Variants in ALPK3 observed in about 807,000 individuals in gnomAD.
The protein encoded by ALPK3 is alpha kinase 3, also known as alpha-protein kinase 3.
A neutral mutation model predicts 140.0 loss-of-function variants in ALPK3; 102 were observed. That is an observed-to-expected ratio of 0.73 (90% CI 0.62 to 0.86). The LOEUF (loss-of-function observed/expected upper bound fraction) is 0.86, where lower values mean the gene tolerates loss of function less well. Ranked by LOEUF, ALPK3 falls within the 40% of genes least tolerant of loss-of-function variation. ALPK3 has a pLI of 0.00. For missense variants in ALPK3, 2,254 were observed against 2,208.2 expected (o/e 1.02, Z -0.42); for synonymous variants, 938 against 898.5 (o/e 1.04, Z -0.79).
chr15:84,857,498 T>A lies in ALPK3; in HGVS notation c.2760T>A (p.Thr920=). ...TGCACCTGGGGCTGGGGACCCCCAC[T>A]CAGAGTCACCCACCAGAAACCATGG... ...PTLHLGLGTP[T]QSHPPETMAT... Residue 920 remains threonine (T), a synonymous_variant, in exon 6 of 14, where the codon ACT becomes ACA. Coordinates refer to ENST00000258888, the MANE Select transcript of ALPK3 (RefSeq NM_020778.5). The A allele has an allele frequency of 1.9e-6, 3 of 1,602,488 alleles. No homozygotes were observed. The highest frequency in any genetic ancestry group is 2.6e-6 in the Non-Finnish European group (3 of 1,173,328).
intron 3 of ALPK3, 110 bp from the exon 4 acceptor site, chr15:84,838,870 C>G (rs1196860634): frequency 3.6e-6 from 3 of 841,338 alleles, no homozygotes; most frequent in African/African-American, 1.7e-5. Flanking sequence ...GATCTGCCTG[C>G]CTCAGCCTCC....
rs774669520 is a variant in ALPK3 at position 84,862,697 on chromosome 15, T to TGGG, written c.4196_4198dup (p.Gly1399dup). 2.5e-6 allele frequency: 4 copies of TGGG among 1,614,116 alleles called. No individual in the cohort carries two copies. Among genetic ancestry groups the TGGG allele is most frequent in the Non-Finnish European group, 3.4e-6 (4 of 1,179,996 alleles). Reference sequence around the variant, plus strand: ...TAAGGGTCTGGCTGACTCTGGCTGCTGGGGGGACAAGCTCTTTGGGCGACT... The same window carrying TGGG: ...TAAGGGTCTGGCTGACTCTGGCTGCTGGGGGGGGGACAAGCTCTTTGGGCGACT... On this transcript the variant is annotated inframe_insertion, in exon 10 of 14. Transcript: ENST00000258888.
At chr15:84,868,042 A>C in intron 13 of ALPK3, 69 bp from the exon 14 acceptor site, 1 of 1,493,090 alleles carries the variant, frequency 6.7e-7, no homozygotes, top group Non-Finnish European at 9.1e-7. Flanking sequence ...TGGCCACCCC[A>C]GAGTCCGCCC....
chr15:84,847,903 A>T (rs1450838408), intron 5 of ALPK3, among the ~76,000 whole-genome samples: 1 of 151,906 alleles, frequency 6.6e-6, no homozygotes, highest in Non-Finnish European at 1.5e-5. Flanking sequence ...TACTAAAAAT[A>T]CAAAAAAAAT....
In ALPK3 at chr15:84,872,354, A is replaced by G. The variant is rs1267396655; in HGVS notation, c.*3898A>G. ...CGCAAGCTATGTATGGCTCCGCGGT[A>G]TGCCACCCATGGAAAGACACCTCAT... is the stretch of plus-strand genomic sequence containing the variant. On this transcript the variant is annotated 3_prime_UTR_variant, in exon 14 of 14. Transcript: ENST00000258888. 1.3e-5 allele frequency: 2 copies of G among 152,212 alleles called. No homozygotes were observed. The highest frequency in any genetic ancestry group is 2.9e-5 in the Non-Finnish European group (2 of 68,040). The allele number at this position is 152,212 out of a possible 1,614,324, so 9.4% of individuals were successfully genotyped here. A position where few individuals can be genotyped will look rare whatever the true frequency, so the allele number is the denominator to read the frequency against.
Position 84,840,013 on chromosome 15 carries a change from G to C in ALPK3, c.734G>C (p.Gly245Ala), listed in dbSNP as rs937868077. Reference sequence around the variant, plus strand: ...GTCCCTACCAGGGAGCCTGAGGGTGGGACCCTGGCGGCTTGGCAGGAGGGA... The same window carrying C: ...GTCCCTACCAGGGAGCCTGAGGGTGCGACCCTGGCGGCTTGGCAGGAGGGA... ...PSVPTREPEG[G>A]TLAAWQEGET... The change falls in exon 5 of 14, where the codon GGG becomes GCG. Residue 245 changes from glycine (G) to alanine (A), a missense_variant. By Grantham distance (60) the Gly-to-Ala change is moderately conservative. This residue lies in a region of ALPK3 where 2,088 missense variants were observed against 2,022.9 expected (regional missense o/e 1.03). Coordinates refer to ENST00000258888, the MANE Select transcript of ALPK3 (RefSeq NM_020778.5). 1 of 1,613,802 alleles carries C rather than the reference G, an allele frequency of 6.2e-7. No individual in the cohort carries two copies. Among genetic ancestry groups the C allele is most frequent in the Admixed American group, 1.7e-5 (1 of 59,952 alleles).
intron 3 of ALPK3, among the ~76,000 whole-genome samples, chr15:84,832,055 T>A (rs563727148): frequency 1.3e-5 from 2 of 152,316 alleles, no homozygotes; most frequent in Non-Finnish European, 2.9e-5. Flanking sequence ...TTCCAAATAA[T>A]AAACTTCATC....
intron 3 of ALPK3, among the ~76,000 whole-genome samples, chr15:84,831,212 GTTCTGGTAT>G (rs1963542407): frequency 6.6e-6 from 1 of 152,130 alleles, no homozygotes; most frequent in African/African-American, 2.4e-5. Flanking sequence ...TTGTAAGAGT[GTTCTGGTAT>G]TTCATAATGA....
chr15:84,824,945 A>G (rs1030756485), intron 2 of ALPK3, among the ~76,000 whole-genome samples: 9 of 152,180 alleles, frequency 5.9e-5, no homozygotes, highest in Non-Finnish European at 1.0e-4. Context: ...GCTGTATGAC[A>G]TTCAGCAGAA....
chr15:84,858,134 C>T lies in ALPK3; in HGVS notation c.3396C>T (p.Ser1132=), dbSNP rs556705540. ...AAPGQGPSAE[S]IAQEPSQEEK... is the part of the protein sequence containing the mutation. ...CTGGACAGGGGCCCTCAGCAGAGAG[C>T]ATAGCCCAGGAGCCCTCCCAAGAGG... is the stretch of plus-strand genomic sequence containing the variant. The change falls in exon 6 of 14, where the codon AGC becomes AGT. Residue 1132 remains serine (S), a synonymous_variant. Coordinates refer to ENST00000258888, the MANE Select transcript of ALPK3 (RefSeq NM_020778.5). 1.3e-6 allele frequency: 2 copies of T among 1,596,206 alleles called. No individual in the cohort carries two copies. Among genetic ancestry groups the T allele is most frequent in the Admixed American group, 1.8e-5 (1 of 56,698 alleles).
intron 3 of ALPK3, among the ~76,000 whole-genome samples, chr15:84,831,780 G>T (rs1021697855): frequency 6.6e-6 from 1 of 152,148 alleles, no homozygotes; most frequent in Non-Finnish European, 1.5e-5. Context: ...AAGGAGGAGG[G>T]GCCTGAAAAC....
At position 84,856,897 on chromosome 15, in the gene ALPK3, T is replaced by C. The variant is rs1194229553; in HGVS notation, c.2159T>C (p.Met720Thr). Residue 720 changes from methionine (M) to threonine (T), a missense_variant, in exon 6 of 14, where the codon ATG (methionine) becomes ACG (threonine). This residue lies in a region of ALPK3 where 2,088 missense variants were observed against 2,022.9 expected (regional missense o/e 1.03). Coordinates refer to ENST00000258888, the MANE Select transcript of ALPK3 (RefSeq NM_020778.5). ...TQSEGSAPTA[M>T]EGQSEQEVAT... ...TCAGAGGGGAGCGCGCCCACAGCCA[T>C]GGAAGGTCAGTCTGAGCAAGAGGTG... 1.2e-6 allele frequency: 2 copies of C among 1,613,780 alleles called. No individual in the cohort carries two copies. The highest frequency in any genetic ancestry group is 1.1e-5 in the South Asian group (1 of 91,056).
chr15:84,839,578 C>A, intron 4 of ALPK3, 124 bp from the exon 5 acceptor site: 2 of 1,068,042 alleles, frequency 1.9e-6, no homozygotes, highest in Non-Finnish European at 2.7e-6. Context: ...TGGGGCGTAG[C>A]ACACGGCAGG....
chr15:84,819,130 C>CATAG (rs1476721215), intron 1 of ALPK3, among the ~76,000 whole-genome samples: 1 of 152,196 alleles, frequency 6.6e-6, no homozygotes, highest in Non-Finnish European at 1.5e-5. Context: ...GGAGAATGGA[C>CATAG]ATAGTGCTGC....
chr15:84,868,261 G>C lies in ALPK3; in HGVS notation c.4923G>C (p.Lys1641Asn). 1.2e-6 allele frequency: 2 copies of C among 1,614,178 alleles called. No individual in the cohort carries two copies. The highest frequency in any genetic ancestry group is 1.7e-6 in the Non-Finnish European group (2 of 1,180,012). ...AHPQAKAKGS[K>N]SPSAGRKGSQ... ...CCCAAGCCAAAGCCAAAGGCTCTAAGAGTCCATCTGCTGGCAGGAAAGGCT... is the reference window on the plus strand; with the variant it reads ...CCCAAGCCAAAGCCAAAGGCTCTAACAGTCCATCTGCTGGCAGGAAAGGCT... Residue 1641 changes from lysine (K) to asparagine (N), a missense_variant, in exon 14 of 14, where the codon AAG becomes AAC. Transcript: ENST00000258888.
intron 5 of ALPK3, among the ~76,000 whole-genome samples, chr15:84,850,798 C>G (rs772860812): frequency 2.6e-5 from 4 of 151,868 alleles, no homozygotes; most frequent in Non-Finnish European, 5.9e-5. Flanking sequence ...ATAGAGCCAA[C>G]TAGGTTCATT....
At chr15:84,821,043 G>C (rs1307800592) in intron 1 of ALPK3, among the ~76,000 whole-genome samples, 1 of 151,902 alleles carries the variant, frequency 6.6e-6, no homozygotes, top group East Asian at 1.9e-4. Context: ...GTGAGATGAA[G>C]GTGGCACGAA....
chr15:84,862,658 C>G lies in ALPK3; in HGVS notation c.4153C>G (p.Pro1385Ala). 1 of 1,613,840 alleles carries G rather than the reference C, an allele frequency of 6.2e-7. No individual in the cohort carries two copies. The highest frequency in any genetic ancestry group is 8.5e-7 in the Non-Finnish European group (1 of 1,179,892). ...GEVGEEIEMTPMVFAKGLADS... is the reference protein window; with the variant it reads ...GEVGEEIEMTAMVFAKGLADS... ...AGTTGGAGAAGAGATTGAGATGACC[C>G]CTATGGTGTTTGCTAAGGGTCTGGC... is the stretch of plus-strand genomic sequence containing the variant. The change falls in exon 10 of 14, where the codon CCT (proline) becomes GCT (alanine). Residue 1385 changes from proline (P) to alanine (A), a missense_variant. Pro to Ala is a conservative substitution (Grantham distance 27). Around this residue, in one of 3 missense-constraint regions of ALPK3, gnomAD observed 2,088 missense variants for 2,022.9 expected, o/e 1.03. Coordinates refer to ENST00000258888, the MANE Select transcript of ALPK3 (RefSeq NM_020778.5).
rs2141573951 is a variant in ALPK3, at chr15:84,864,423, A to G, written c.4500-19A>G. 1.2e-6 allele frequency: 2 copies of G among 1,606,266 alleles called. No individual in the cohort carries two copies. Among genetic ancestry groups the G allele is most frequent in the Non-Finnish European group, 1.7e-6 (2 of 1,173,182 alleles). On this transcript the variant is annotated intron_variant, in intron 11 of 13. Transcript: ENST00000258888. ...CTGGGCCATACTTCCTGCTTACTGC[A>G]GGGTGAAACTATGTTTAGGATCATC...
Sources: allele counts gnomAD v4.1 joint callset (sites outside exome capture counted in the v4.1 genomes callset), GRCh38; gene constraint gnomAD v4.1.1; regional missense constraint gnomAD v4.1.1; transcripts MANE v1.5; gene names NCBI Gene and HGNC (gene_info 2026-07-23, HGNC 2026-07-21).